GPRC5B: variants seen among roughly 807,000 people sequenced by gnomAD.
The protein encoded by GPRC5B is G protein-coupled receptor class C group 5 member B, also known as G protein-coupled receptor family C group 5 member B.
GPRC5B carries 16 observed loss-of-function variants against 30.1 expected under a neutral mutation model. That is an observed-to-expected ratio of 0.53 (90% CI 0.36 to 0.81). The LOEUF (loss-of-function observed/expected upper bound fraction) is 0.81, where lower values mean the gene tolerates loss of function less well. Ranked by LOEUF, GPRC5B falls within the 30% of genes least tolerant of loss-of-function variation. The pLI is 0.01. For synonymous variants in GPRC5B, 241 were observed against 239.5 expected (o/e 1.01, Z -0.06); for missense variants, 428 against 544.7 (o/e 0.79, Z 2.13).
chr16:19,874,373 C>T (rs2056745342), intron 1 of GPRC5B, among the ~76,000 whole-genome samples: 2 of 152,208 alleles, frequency 1.3e-5, no homozygotes, highest in African/African-American at 2.4e-5. Context: ...GCCAAGGTCA[C>T]ACCCCAGTCC....
At chr16:19,878,810 G>C (rs2056780589) in intron 1 of GPRC5B, among the ~76,000 whole-genome samples, 1 of 152,182 alleles carries the variant, frequency 6.6e-6, no homozygotes, top group South Asian at 2.1e-4. Flanking sequence ...CCCATTTATA[G>C]AGGAGGAAAC....
chr16:19,876,702 C>T (rs1419799883), intron 1 of GPRC5B, among the ~76,000 whole-genome samples: 1 of 152,204 alleles, frequency 6.6e-6, no homozygotes, highest in Non-Finnish European at 1.5e-5. Flanking sequence ...TGGCCCTGGT[C>T]CAGGTTTCCA....
chr16:19,882,822 C>T (rs1269252842), intron 1 of GPRC5B, among the ~76,000 whole-genome samples: 3 of 152,180 alleles, frequency 2.0e-5, no homozygotes, highest in Non-Finnish European at 2.9e-5. Flanking sequence ...ACCCCCAAAT[C>T]TGCCTACAGC....
intron 2 of GPRC5B, among the ~76,000 whole-genome samples, chr16:19,865,172 AGAGCTGGGATACAGTTGT>A: frequency 6.6e-6 from 1 of 152,162 alleles, no homozygotes; most frequent in South Asian, 2.1e-4. Flanking sequence ...AGCCTCCCAA[AGAGCTGGGATACAGTTGT>A]GAGCCACTGC....
Position 19,857,193 on chromosome 16 carries a change from C to A in GPRC5B, c.*3307G>T. On this transcript the variant is annotated 3_prime_UTR_variant, in exon 4 of 4. Coordinates refer to ENST00000300571, the MANE Select transcript of GPRC5B (RefSeq NM_016235.3). ...ATATGTTCTGTGGTTTGCTGTTAAC[C>A]AAGATTCTCCCATTTAAAATGCCAC... 1 of 255,334 alleles carries A rather than the reference C, an allele frequency of 3.9e-6. No individual in the cohort carries two copies. Among genetic ancestry groups the A allele is most frequent in the South Asian group, 4.2e-5 (1 of 24,056 alleles). 15.8% of individuals were successfully genotyped at this position (255,334 alleles called of 1,614,324 possible).
intron 1 of GPRC5B, among the ~76,000 whole-genome samples, chr16:19,876,531 T>A (rs7404256): frequency 2.0e-5 from 3 of 151,938 alleles, no homozygotes; most frequent in Non-Finnish European, 4.4e-5. Flanking sequence ...ATTCACTCCC[T>A]GAGGGGGTTC....
In GPRC5B at chr16:19,857,689, A is replaced by G. The variant is rs2056578744; in HGVS notation, c.*2811T>C. 1 of 197,640 alleles carries G rather than the reference A, an allele frequency of 5.1e-6. No homozygotes were observed. The highest frequency in any genetic ancestry group is 6.2e-5 in the Admixed American group (1 of 16,084). 12.2% of individuals were successfully genotyped at this position (197,640 alleles called of 1,614,324 possible). A position where few individuals can be genotyped will look rare whatever the true frequency, so the allele number is the denominator to read the frequency against. On this transcript the variant is annotated 3_prime_UTR_variant, in exon 4 of 4. Coordinates refer to ENST00000300571, the MANE Select transcript of GPRC5B (RefSeq NM_016235.3). ...GAGGCGTTCAACTCAGCCTTGGCCA[A>G]CCGAGACCACCACCCGAGTTCACCC...
At chr16:19,873,213 C>G (rs1017122719) in intron 1 of GPRC5B, among the ~76,000 whole-genome samples, 5 of 152,022 alleles carry the variant, frequency 3.3e-5, no homozygotes, top group Non-Finnish European at 7.4e-5. Context: ...GCTTGTAATC[C>G]CAGCAGTTTG....
In GPRC5B at chr16:19,858,468, C is replaced by A. The variant is rs1017560857; in HGVS notation, c.*2032G>T. 1 of 680,920 alleles carries A rather than the reference C, an allele frequency of 1.5e-6. No individual in the cohort carries two copies. The highest frequency in any genetic ancestry group is 2.7e-5 in the East Asian group (1 of 36,452). 42.2% of individuals were successfully genotyped at this position (680,920 alleles called of 1,614,324 possible). ...GACAATAAAGAACTTAGAAAACGAA[C>A]GTGTGAATTGCTCCATCGTGTGAAT... On this transcript the variant is annotated 3_prime_UTR_variant, in exon 4 of 4. Coordinates refer to ENST00000300571, the MANE Select transcript of GPRC5B (RefSeq NM_016235.3).
At chr16:19,868,803 G>T (rs188776004) in intron 2 of GPRC5B, among the ~76,000 whole-genome samples, 44 of 152,290 alleles carry the variant, frequency 2.9e-4, no homozygotes, top group Non-Finnish European at 5.7e-4. Context: ...GCCCATCCAC[G>T]CGGGACAGAG....
chr16:19,873,936 C>T (rs904874677), intron 1 of GPRC5B, among the ~76,000 whole-genome samples: 11 of 152,068 alleles, frequency 7.2e-5, no homozygotes, highest in Admixed American at 5.2e-4. Flanking sequence ...TGCGCCACCA[C>T]GCCTGGCTAA....
At chr16:19,864,636 G>A (rs1482107521) in intron 2 of GPRC5B, among the ~76,000 whole-genome samples, 1 of 152,252 alleles carries the variant, frequency 6.6e-6, no homozygotes, top group African/African-American at 2.4e-5. Context: ...GAGCCCAAAA[G>A]GCTAAAATGC....
rs2056591337 is a variant in GPRC5B, at chr16:19,858,445, C to T, written c.*2055G>A. ...GCTGTGCTCACCTTATATGCTTGGA[C>T]AATAAAGAACTTAGAAAACGAACGT... On this transcript the variant is annotated 3_prime_UTR_variant, in exon 4 of 4. Coordinates refer to ENST00000300571, the MANE Select transcript of GPRC5B (RefSeq NM_016235.3). 1.5e-6 allele frequency: 1 copy of T among 660,430 alleles called. No individual in the cohort carries two copies. The highest frequency in any genetic ancestry group is 2.8e-5 in the East Asian group (1 of 36,010). The allele number at this position is 660,430 out of a possible 1,614,324, so 40.9% of individuals were successfully genotyped here.
rs752793239 is a variant in GPRC5B, at chr16:19,858,132, T to A, written c.*2368A>T. 74 of 197,248 alleles carry A rather than the reference T, an allele frequency of 3.8e-4. No individual in the cohort carries two copies. Among genetic ancestry groups the A allele is most frequent in the Non-Finnish European group, 1.7e-4 (17 of 98,256 alleles). The allele number at this position is 197,248 out of a possible 1,614,324, so 12.2% of individuals were successfully genotyped here. On this transcript the variant is annotated 3_prime_UTR_variant, in exon 4 of 4. Coordinates refer to ENST00000300571, the MANE Select transcript of GPRC5B (RefSeq NM_016235.3). ...TAAACCTTGCTCCACGGGGGGCAGC[T>A]GGCTGCTACAGTCTCTTGGCAAAGA...
chr16:19,862,238 C>A (rs1373986104), intron 2 of GPRC5B: 3 of 424,460 alleles, frequency 7.1e-6, no homozygotes, highest in Middle Eastern at 6.5e-4. Flanking sequence ...CCTCTGGTTC[C>A]CCCTCCAAGC....
At chr16:19,866,309 G>A (rs551769949) in intron 2 of GPRC5B, among the ~76,000 whole-genome samples, 14 of 152,244 alleles carry the variant, frequency 9.2e-5, no homozygotes, top group South Asian at 4.2e-4. Context: ...GAAGCAAACC[G>A]TTGCCCCTGG....
chr16:19,882,747 C>T lies in GPRC5B; in HGVS notation c.-2+1980G>A, dbSNP rs118009318. Among the ~76,000 whole-genome samples the T allele has an allele frequency of 5.2e-3, 787 of 152,286 alleles. 18 individuals carry two copies. The highest frequency in any genetic ancestry group is 0.038 in the South Asian group (184 of 4,816). ...GTTCACTGGTCCAAACAGAATAAAC[C>T]CTAAACTCCTTTCCATGACCCAAAA... is the stretch of plus-strand genomic sequence containing the variant. On this transcript the variant is annotated intron_variant, in intron 1 of 3. Transcript: ENST00000300571.
rs535925138 is a variant in GPRC5B, at chr16:19,858,034, C to G, written c.*2466G>C. 1 of 153,996 alleles carries G rather than the reference C, an allele frequency of 6.5e-6. No individual in the cohort carries two copies. Among genetic ancestry groups the G allele is most frequent in the African/African-American group, 2.4e-5 (1 of 41,548 alleles). 9.5% of individuals were successfully genotyped at this position (153,996 alleles called of 1,614,324 possible). The stretch of plus-strand genomic sequence containing the variant: ...ATTTTGATCACAGATGCTCTCCTCC[C>G]GGGTCGTTTTCCCCAAACGAGTCTT... On this transcript the variant is annotated 3_prime_UTR_variant, in exon 4 of 4. Coordinates refer to ENST00000300571, the MANE Select transcript of GPRC5B (RefSeq NM_016235.3).
upstream of GPRC5B, chr16:19,885,223 AG>A (rs1393772629): frequency 3.0e-5 from 39 of 1,288,460 alleles, no homozygotes; most frequent in Non-Finnish European, 3.8e-5. The surrounding 1 kb of genome is among the most constrained non-coding windows in gnomAD (Gnocchi z 5.3). Context: ...ATCGCGACCC[AG>A]GGGTCCCAGC....
Sources: allele counts gnomAD v4.1 joint callset (sites outside exome capture counted in the v4.1 genomes callset), GRCh38; gene constraint gnomAD v4.1.1; non-coding constraint Gnocchi (gnomAD v3.1); transcripts MANE v1.5; gene names NCBI Gene and HGNC (gene_info 2026-07-23, HGNC 2026-07-21).